Variants in RASGEF1C observed in about 807,000 individuals in gnomAD.
The protein encoded by RASGEF1C is ras-GEF domain-containing family member 1C.
A neutral mutation model predicts 58.1 loss-of-function variants in RASGEF1C; 27 were observed. The observed-to-expected ratio is 0.46, with a 90% confidence interval of 0.34 to 0.64. The LOEUF (loss-of-function observed/expected upper bound fraction) is 0.64, where lower values mean the gene tolerates loss of function less well. Among genes scored for constraint, RASGEF1C ranks in the 30% least tolerant of loss-of-function variants. The pLI is 0.01. For missense variants in RASGEF1C, 502 were observed against 605.1 expected, an observed-to-expected ratio of 0.83 and a Z score of 1.79; for synonymous variants, 243 against 246.3, an observed-to-expected ratio of 0.99 and a Z score of 0.13.
At chr5:180,167,438 A>G (rs1767040116) in intron 1 of RASGEF1C, among the ~76,000 whole-genome samples, 2 of 152,182 alleles carry the variant, frequency 1.3e-5, no homozygotes, top group South Asian at 4.1e-4. Flanking sequence ...GCAGTGAGCC[A>G]AGATTGCGCC....
At chr5:180,200,395 C>T (rs569691521) in intron 1 of RASGEF1C, among the ~76,000 whole-genome samples, 7 of 134,544 alleles carry the variant, frequency 5.2e-5, no homozygotes, top group African/African-American at 1.3e-4. Context: ...CTGCAAGCTC[C>T]GCCTCCCGGG....
intron 4 of RASGEF1C, 64 bp from the exon 5 acceptor site, chr5:180,128,674 C>A: frequency 6.6e-7 from 1 of 1,513,890 alleles, no homozygotes; most frequent in Non-Finnish European, 9.0e-7. Flanking sequence ...AACACTGGAA[C>A]CAGGCAGCCA....
chr5:180,195,998 C>T (rs1053731014), intron 1 of RASGEF1C, among the ~76,000 whole-genome samples: 9 of 152,070 alleles, frequency 5.9e-5, no homozygotes, highest in Non-Finnish European at 7.4e-5. Context: ...TTTTGATGTA[C>T]GCAGACGCTG....
chr5:180,184,155 C>T (rs1755984251), intron 1 of RASGEF1C, among the ~76,000 whole-genome samples: 1 of 148,022 alleles, frequency 6.8e-6, no homozygotes, highest in Non-Finnish European at 1.5e-5. Context: ...CAGAGCGAGA[C>T]TCCATCTTGA....
At position 180,110,772 on chromosome 5, in the gene RASGEF1C, C is replaced by T. The variant is rs138107753; in HGVS notation, c.1303+685G>A. Among the ~76,000 whole-genome samples the T allele has an allele frequency of 9.1e-3, 1,385 of 152,294 alleles. 13 individuals are homozygous for T. The highest frequency in any genetic ancestry group is 0.013 in the Non-Finnish European group (917 of 68,036). On this transcript the variant is annotated intron_variant, in intron 12 of 13. Coordinates refer to ENST00000361132, the MANE Select transcript of RASGEF1C (RefSeq NM_175062.4). ...GCACACACGTACACGCCTACACAGT[C>T]AGTGCTGTGCTTGGCACTCCCCACG...
chr5:180,111,666 CCT>C lies in RASGEF1C; in HGVS notation c.1180-88_1180-87del. ...GGGAGGGGCTGGTCCTGGCAGAGAC[CCT>C]CTCAACACCCAGTGGCTTTAGGGCT... On this transcript the variant is annotated intron_variant, in intron 11 of 13. Coordinates refer to ENST00000361132, the MANE Select transcript of RASGEF1C (RefSeq NM_175062.4). The C allele has an allele frequency of 8.9e-6, 13 of 1,463,700 alleles. No individual in the cohort carries two copies. In the South Asian group the frequency reaches 1.5e-4, roughly 17 times the overall value. The allele number at this position is 1,463,700 out of a possible 1,614,324, so 90.7% of individuals were successfully genotyped here.
chr5:180,199,100 G>C (rs887123108), intron 1 of RASGEF1C, among the ~76,000 whole-genome samples: 6 of 152,152 alleles, frequency 3.9e-5, no homozygotes, highest in African/African-American at 1.4e-4. Flanking sequence ...CCCCCTGCTG[G>C]CAGACATGCA....
intron 4 of RASGEF1C, among the ~76,000 whole-genome samples, chr5:180,129,570 G>T (rs547520971): frequency 6.6e-6 from 1 of 152,290 alleles, no homozygotes; most frequent in Admixed American, 6.5e-5. Flanking sequence ...TGCCACACCT[G>T]CCCACCGCTC....
At chr5:180,104,502 T>C (rs898625398) in intron 12 of RASGEF1C, among the ~76,000 whole-genome samples, 7 of 152,318 alleles carry the variant, frequency 4.6e-5, no homozygotes, top group African/African-American at 7.2e-5. Flanking sequence ...ACTGTAGATA[T>C]ATATATATAA....
At chr5:180,173,828 G>A (rs1047977296) in intron 1 of RASGEF1C, among the ~76,000 whole-genome samples, 16 of 151,802 alleles carry the variant, frequency 1.1e-4, no homozygotes, top group South Asian at 2.1e-4. Context: ...CAGGAGAATC[G>A]CTTGAGCCCG....
Position 180,168,109 on chromosome 5 carries a change from A to AAAAAC in RASGEF1C, c.-6-30056_-6-30052dup, listed in dbSNP as rs1161372038. On this transcript the variant is annotated intron_variant, in intron 1 of 13. Transcript: ENST00000361132. This position sits in a 1 kb window ranked among gnomAD's most constrained non-coding sequence, Gnocchi z 6.0. ...GCCCAGGAATTAATAAACAACTCTC[A>AAAAAC]AAAACAAAACAAAACAAAAACAAAA... Among the ~76,000 whole-genome samples, 157 of 152,302 alleles carry AAAAAC rather than the reference A, an allele frequency of 1.0e-3. 3 individuals carry two copies. Among genetic ancestry groups the AAAAAC allele is most frequent in the Non-Finnish European group, 1.7e-3 (117 of 68,030 alleles).
chr5:180,152,261 C>G (rs981309772), intron 1 of RASGEF1C, among the ~76,000 whole-genome samples: 2 of 152,140 alleles, frequency 1.3e-5, no homozygotes, highest in African/African-American at 4.8e-5. Context: ...TATTAAGATA[C>G]ACATATGTTT....
intron 1 of RASGEF1C, among the ~76,000 whole-genome samples, chr5:180,182,546 T>C (rs1561754407): frequency 6.6e-6 from 1 of 152,216 alleles, no homozygotes; most frequent in Admixed American, 6.5e-5. Context: ...TGGTCCATTT[T>C]ACAGAGTGCT....
intron 1 of RASGEF1C, among the ~76,000 whole-genome samples, chr5:180,185,117 C>A (rs967081058): frequency 3.3e-5 from 5 of 151,362 alleles, no homozygotes; most frequent in Admixed American, 2.0e-4. Flanking sequence ...ACGGTGAAAC[C>A]CCATCTCTAC....
intron 1 of RASGEF1C, among the ~76,000 whole-genome samples, chr5:180,194,571 G>C (rs957533520): frequency 2.6e-5 from 4 of 152,192 alleles, no homozygotes; most frequent in African/African-American, 9.6e-5. Context: ...AAAAACCACT[G>C]AGTGTACCAT....
At position 180,191,506 on chromosome 5, in the gene RASGEF1C, G is replaced by A. The variant is rs370930665; in HGVS notation, c.-7+17522C>T. Among the ~76,000 whole-genome samples the A allele has an allele frequency of 3.1e-4, 47 of 152,240 alleles. No individual in the cohort carries two copies. In the East Asian group the frequency reaches 3.3e-3, roughly 11 times the overall value. On this transcript the variant is annotated intron_variant, in intron 1 of 13. Transcript: ENST00000361132. ...CAAGTAGCTGGGACTACAGGCGCCCGCCACCACGGCCGGCTGATTTTTTGT... is the reference window on the plus strand; with the variant it reads ...CAAGTAGCTGGGACTACAGGCGCCCACCACCACGGCCGGCTGATTTTTTGT...
intron 1 of RASGEF1C, among the ~76,000 whole-genome samples, chr5:180,181,656 G>T (rs7380160): frequency 6.6e-6 from 1 of 151,978 alleles, no homozygotes; most frequent in African/African-American, 2.4e-5. Context: ...GGCAGGGAAG[G>T]GTTCTATTGG....
intron 4 of RASGEF1C, among the ~76,000 whole-genome samples, chr5:180,135,632 A>T (rs999048433): frequency 1.3e-5 from 2 of 152,132 alleles, no homozygotes; most frequent in Non-Finnish European, 2.9e-5. Context: ...CCCATAAGGG[A>T]AGTGAGGCTT....
chr5:180,124,721 G>A (rs1462016393), intron 6 of RASGEF1C, among the ~76,000 whole-genome samples: 1 of 152,174 alleles, frequency 6.6e-6, no homozygotes, highest in Non-Finnish European at 1.5e-5. Flanking sequence ...CTATTTGGAA[G>A]GCTGAGGCAG....
Sources: allele counts gnomAD v4.1 joint callset (sites outside exome capture counted in the v4.1 genomes callset), GRCh38; gene constraint gnomAD v4.1.1; non-coding constraint Gnocchi (gnomAD v3.1); transcripts MANE v1.5; gene names NCBI Gene and HGNC (gene_info 2026-07-23, HGNC 2026-07-21).